CADM2: variants seen among roughly 807,000 people sequenced by gnomAD.
CADM2 encodes the protein cell adhesion molecule 2.
Under a neutral mutation model 49.8 loss-of-function variants are expected in CADM2, and 12 were observed. The observed-to-expected ratio is 0.24, with a 90% CI of 0.15 to 0.39. The LOEUF is 0.39. Ranked by LOEUF, CADM2 falls within the 10% of genes least tolerant of loss-of-function variation. The pLI is 1.00. For missense variants in CADM2, 378 were observed against 492.3 expected, an observed-to-expected ratio of 0.77 and a Z score of 2.20; for synonymous variants, 214 against 175.4, an observed-to-expected ratio of 1.22 and a Z score of -1.74.
chr3:85,907,272 A>G (rs556571050), intron 5 of CADM2, among the ~76,000 whole-genome samples: 1 of 152,274 alleles, frequency 6.6e-6, no homozygotes, highest in South Asian at 2.1e-4. Flanking sequence ...TGAAACTATC[A>G]TGTTATCCAT....
At chr3:85,155,024 G>A (rs1396943601) in intron 1 of CADM2, among the ~76,000 whole-genome samples, 2 of 150,856 alleles carry the variant, frequency 1.3e-5, no homozygotes, top group South Asian at 2.1e-4. Flanking sequence ...GGAAGAAACT[G>A]CATCAACTAA....
intron 2 of CADM2, among the ~76,000 whole-genome samples, chr3:85,731,163 G>A (rs901023411): frequency 6.6e-6 from 1 of 152,170 alleles, no homozygotes; most frequent in Non-Finnish European, 1.5e-5. Flanking sequence ...GGAATCCCAG[G>A]CTACCCATCA....
intron 2 of CADM2, among the ~76,000 whole-genome samples, chr3:85,745,871 T>C (rs1356867940): frequency 6.6e-6 from 1 of 152,096 alleles, no homozygotes; most frequent in Non-Finnish European, 1.5e-5. Context: ...TGTTAATTTC[T>C]CTTTTGCCTA....
Position 85,584,392 on chromosome 3 carries a change from CAA to C in CADM2, c.62-142128_62-142127del, listed in dbSNP as rs569670743. Among the ~76,000 whole-genome samples, 417 of 152,078 alleles carry C rather than the reference CAA, an allele frequency of 2.7e-3. 1 individual carries two copies. The Middle Eastern group carries it at 0.037, about 14-fold the overall frequency. On this transcript the variant is annotated intron_variant, in intron 1 of 9. Coordinates refer to ENST00000383699, the MANE Select transcript of CADM2 (RefSeq NM_001167675.2). ...AAGATATAAAGTTCAAATTTAAACA[CAA>C]ATAATATGCAAATAATATTATGCTA...
At chr3:85,681,635 G>T (rs987787817) in intron 1 of CADM2, among the ~76,000 whole-genome samples, 1 of 151,994 alleles carries the variant, frequency 6.6e-6, no homozygotes, top group African/African-American at 2.4e-5. Context: ...TGCTTCATCT[G>T]GCAGGCTATG....
intron 8 of CADM2, among the ~76,000 whole-genome samples, chr3:86,018,610 G>T (rs1030573114): frequency 9.9e-5 from 15 of 152,186 alleles, no homozygotes; most frequent in Non-Finnish European, 1.8e-4. Flanking sequence ...GTTTTGATTT[G>T]CATTTCTTGA....
intron 1 of CADM2, among the ~76,000 whole-genome samples, chr3:85,463,950 G>A (rs1040672260): frequency 6.6e-6 from 1 of 151,948 alleles, no homozygotes; most frequent in Non-Finnish European, 1.5e-5. Flanking sequence ...TATGATATTC[G>A]ACCCAAATTT....
At chr3:85,141,782 G>A (rs531068623) in intron 1 of CADM2, among the ~76,000 whole-genome samples, 25 of 152,240 alleles carry the variant, frequency 1.6e-4, no homozygotes, top group African/African-American at 3.9e-4. Flanking sequence ...AATTTAGCAC[G>A]TTTTCACATC....
At chr3:85,489,634 C>A (rs1014894934) in intron 1 of CADM2, among the ~76,000 whole-genome samples, 1 of 150,724 alleles carries the variant, frequency 6.6e-6, no homozygotes, top group Non-Finnish European at 1.5e-5. Context: ...GCACATGTAC[C>A]CTAAAACTTA....
chr3:85,853,995 A>T (rs1459170113), intron 3 of CADM2, among the ~76,000 whole-genome samples: 2 of 152,174 alleles, frequency 1.3e-5, no homozygotes, highest in Admixed American at 6.5e-5. Context: ...CGCATATTAA[A>T]AACTTTACAG....
At chr3:85,040,874 T>G (rs1031697155) in intron 1 of CADM2, among the ~76,000 whole-genome samples, 1 of 152,214 alleles carries the variant, frequency 6.6e-6, no homozygotes, top group African/African-American at 2.4e-5. Flanking sequence ...ATGAGCATTT[T>G]ATTACATGAT....
At chr3:85,198,272 T>C (rs748197687) in intron 1 of CADM2, among the ~76,000 whole-genome samples, 2 of 151,832 alleles carry the variant, frequency 1.3e-5, no homozygotes, top group African/African-American at 4.8e-5. Context: ...TAGTTATCAG[T>C]TCACATTTTC....
intron 7 of CADM2, among the ~76,000 whole-genome samples, chr3:85,942,663 CT>C (rs1722093125): frequency 6.6e-6 from 1 of 151,800 alleles, no homozygotes; most frequent in East Asian, 2.0e-4. Flanking sequence ...AGGACATGAA[CT>C]CATCATTTTT....
intron 1 of CADM2, among the ~76,000 whole-genome samples, chr3:85,690,786 T>C (rs55660731): frequency 0.42 from 63,879 of 152,080 alleles, 13,482 homozygotes; most frequent in South Asian, 0.49. Context: ...TTCTAAATTG[T>C]GTTTTCATTT....
intron 1 of CADM2, among the ~76,000 whole-genome samples, chr3:85,397,185 G>GT (rs2034833914): frequency 6.6e-6 from 1 of 152,046 alleles, no homozygotes; most frequent in African/African-American, 2.4e-5. Context: ...TAGTAAATTT[G>GT]TAAGTCAAAA....
intron 1 of CADM2, among the ~76,000 whole-genome samples, chr3:85,504,291 C>T (rs2040230411): frequency 6.6e-6 from 1 of 151,968 alleles, no homozygotes; most frequent in Admixed American, 6.6e-5. Flanking sequence ...CGTGGTCTCG[C>T]TGGCTTCAGG....
chr3:85,240,076 G>A (rs939427789), intron 1 of CADM2, among the ~76,000 whole-genome samples: 26 of 151,266 alleles, frequency 1.7e-4, no homozygotes, highest in African/African-American at 5.8e-4. Flanking sequence ...GCTCCCTTTG[G>A]TTTGGTATCA....
intron 1 of CADM2, among the ~76,000 whole-genome samples, chr3:85,631,282 G>A (rs1206890001): frequency 6.6e-6 from 1 of 151,992 alleles, no homozygotes; most frequent in African/African-American, 2.4e-5. Flanking sequence ...TGTCCTAAGT[G>A]CTGAAGATAC....
chr3:85,906,887 T>G (rs1335667287), intron 5 of CADM2, among the ~76,000 whole-genome samples: 1 of 152,216 alleles, frequency 6.6e-6, no homozygotes, highest in Non-Finnish European at 1.5e-5. Context: ...AAAAAAGTAT[T>G]GACATTTCCT....
Sources: gnomAD v4.1 joint callset for allele counts (sites outside exome capture counted in the v4.1 genomes callset) on GRCh38, gnomAD v4.1.1 for gene constraint, MANE v1.5 for transcripts, NCBI Gene and HGNC (gene_info 2026-07-23, HGNC 2026-07-21) for gene names.